Variants in CHRM2 observed in about 807,000 individuals in gnomAD.
CHRM2 encodes muscarinic acetylcholine receptor M2.
CHRM2 carries 8 observed loss-of-function variants against 25.0 expected under a neutral mutation model. The observed-to-expected ratio is 0.32, with a 90% CI of 0.19 to 0.58. The LOEUF (loss-of-function observed/expected upper bound fraction) is 0.58. Ranked by LOEUF, CHRM2 falls within the 20% of genes least tolerant of loss-of-function variation. The pLI, the probability that CHRM2 is intolerant of heterozygous loss-of-function variation, is 0.88. For missense variants in CHRM2, 440 were observed against 567.1 expected (o/e 0.78, Z 2.28); for synonymous variants, 202 against 205.7 (o/e 0.98, Z 0.15).
At chr7:136,965,456 GA>G (rs1397278516) in intron 2 of CHRM2, among the ~76,000 whole-genome samples, 1 of 152,070 alleles carries the variant, frequency 6.6e-6, no homozygotes, top group Non-Finnish European at 1.5e-5. Context: ...TTGTCAGAGA[GA>G]ATGAGCAGCC....
At chr7:136,910,244 A>G (rs75823321) in intron 2 of CHRM2, among the ~76,000 whole-genome samples, 2,247 of 151,776 alleles carry the variant, frequency 0.015, 47 homozygotes, top group African/African-American at 0.052. Context: ...TACTTGATAA[A>G]CTCTCGGCTG....
intron 3 of CHRM2, among the ~76,000 whole-genome samples, chr7:137,003,601 G>C (rs921179160): frequency 1.4e-4 from 21 of 151,538 alleles, no homozygotes; most frequent in Non-Finnish European, 2.9e-5. Flanking sequence ...CTTCCATCTT[G>C]GGGTATTCTG....
At chr7:136,939,309 A>C (rs1042449572) in intron 2 of CHRM2, among the ~76,000 whole-genome samples, 1 of 152,182 alleles carries the variant, frequency 6.6e-6, no homozygotes. Context: ...TTGAAATTTC[A>C]TTCAGGGCTT....
At chr7:136,879,503 C>T (rs1421151017) in intron 2 of CHRM2, among the ~76,000 whole-genome samples, 1 of 151,918 alleles carries the variant, frequency 6.6e-6, no homozygotes, top group Non-Finnish European at 1.5e-5. Context: ...TCATGACTGT[C>T]TATTGGGAAA....
At chr7:136,989,029 T>C (rs1310053105) in intron 2 of CHRM2, among the ~76,000 whole-genome samples, 2 of 152,074 alleles carry the variant, frequency 1.3e-5, no homozygotes, top group Non-Finnish European at 2.9e-5. Flanking sequence ...ATTTTCCTCA[T>C]TTTATAAAAG....
chr7:136,964,495 G>C (rs141044786), intron 2 of CHRM2, among the ~76,000 whole-genome samples: 26 of 152,090 alleles, frequency 1.7e-4, no homozygotes, highest in Non-Finnish European at 3.4e-4. Flanking sequence ...TTTCTCAATT[G>C]CCTGCCTGCA....
chr7:136,922,427 T>A (rs561681327), intron 2 of CHRM2, among the ~76,000 whole-genome samples: 1 of 152,356 alleles, frequency 6.6e-6, no homozygotes, highest in East Asian at 1.9e-4. Context: ...ATCTGTTCAC[T>A]GGCTTAAAGC....
At chr7:136,903,142 G>T (rs752393979) in intron 2 of CHRM2, 2 of 534,086 alleles carry the variant, frequency 3.7e-6, no homozygotes, top group Non-Finnish European at 7.7e-6. Context: ...ACCAACGGTG[G>T]TGAAGAGGAT....
At chr7:136,984,481 G>A (rs114070619) in intron 2 of CHRM2, among the ~76,000 whole-genome samples, 1,741 of 151,988 alleles carry the variant, frequency 0.011, 32 homozygotes, top group African/African-American at 0.04. Flanking sequence ...AGGCACCACC[G>A]GGGTAAGAAA....
chr7:136,969,336 T>G (rs922640065), intron 2 of CHRM2, among the ~76,000 whole-genome samples: 2 of 152,192 alleles, frequency 1.3e-5, no homozygotes, highest in African/African-American at 4.8e-5. Flanking sequence ...TGGCATTAGA[T>G]TAAAGTTTGC....
At position 136,889,270 on chromosome 7, in the gene CHRM2, G is replaced by T. The variant is rs900172181; in HGVS notation, c.-125+19852G>T. Among the ~76,000 whole-genome samples, 14 of 152,002 alleles carry T rather than the reference G, an allele frequency of 9.2e-5. 1 individual carries two copies. The highest frequency in any genetic ancestry group is 3.4e-4 in the African/African-American group (14 of 41,366). On this transcript the variant is annotated intron_variant, in intron 2 of 3. Transcript: ENST00000680005. ...CTGGATGGCTGGTGCTTGGTGAGTG[G>T]CTCTAAGAGCACTGGGGGAACCACT...
chr7:136,928,977 A>G (rs945147351), intron 2 of CHRM2, among the ~76,000 whole-genome samples: 3 of 152,184 alleles, frequency 2.0e-5, no homozygotes. Context: ...AAAGCGCTGT[A>G]AATGATGTTG....
chr7:136,910,988 GT>G (rs1797814020), intron 2 of CHRM2, among the ~76,000 whole-genome samples: 1 of 151,736 alleles, frequency 6.6e-6, no homozygotes. Context: ...GACATTTCAT[GT>G]TTTTTGTCAC....
chr7:136,955,286 T>C (rs1584818448), intron 2 of CHRM2, among the ~76,000 whole-genome samples: 1 of 152,178 alleles, frequency 6.6e-6, no homozygotes, highest in East Asian at 1.9e-4. Flanking sequence ...TTATGAAGCA[T>C]GCTGCTGATC....
chr7:136,921,784 T>C (rs987648156), intron 2 of CHRM2, among the ~76,000 whole-genome samples: 3 of 144,614 alleles, frequency 2.1e-5, no homozygotes, highest in Non-Finnish European at 4.6e-5. Context: ...CTTTCTTTCT[T>C]TCTTTCTTTC....
At chr7:136,919,428 A>T (rs1471056824) in intron 2 of CHRM2, among the ~76,000 whole-genome samples, 1 of 152,136 alleles carries the variant, frequency 6.6e-6, no homozygotes, top group Admixed American at 6.6e-5. Flanking sequence ...TTAGTATTCA[A>T]ATTACTTGAA....
Position 137,015,473 on chromosome 7 carries a change from CTG to C in CHRM2, c.611_612del (p.Val204AlafsTer42). Reference sequence around the variant, plus strand: ...TTCTATTTGCCAGTGATCATCATGACTGTGCTATATTGGCACATATCCCGAGC... The same window carrying C: ...TTCTATTTGCCAGTGATCATCATGACTGCTATATTGGCACATATCCCGAGC... On this transcript the variant is annotated frameshift_variant, in exon 4 of 4. Transcript: ENST00000680005. LOFTEE classifies it high-confidence loss of function. The surrounding 1 kb of genome is among the most constrained non-coding windows in gnomAD (Gnocchi z 5.1). 1 of 1,613,328 alleles carries C rather than the reference CTG, an allele frequency of 6.2e-7. No homozygotes were observed. Among genetic ancestry groups the C allele is most frequent in the Non-Finnish European group, 8.5e-7 (1 of 1,179,628 alleles).
At chr7:136,912,982 A>G (rs1380265518) in intron 2 of CHRM2, among the ~76,000 whole-genome samples, 1 of 151,920 alleles carries the variant, frequency 6.6e-6, no homozygotes, top group African/African-American at 2.4e-5. Context: ...TTATGTTAGT[A>G]TAATTACTGT....
chr7:136,948,815 T>C (rs1800219908), intron 2 of CHRM2, among the ~76,000 whole-genome samples: 1 of 152,124 alleles, frequency 6.6e-6, no homozygotes, highest in Non-Finnish European at 1.5e-5. Context: ...ACAGCTCCTC[T>C]GGTGAACAGA....
Sources: allele counts gnomAD v4.1 joint callset (sites outside exome capture counted in the v4.1 genomes callset), GRCh38; gene constraint gnomAD v4.1.1; non-coding constraint Gnocchi (gnomAD v3.1); transcripts MANE v1.5; gene names NCBI Gene and HGNC (gene_info 2026-07-23, HGNC 2026-07-21).